GALNT17: variants seen among roughly 807,000 people sequenced by gnomAD.
GALNT17 encodes UDP-GalNAc:polypeptide N-acetylgalactosaminyltransferase-like 3.
In GALNT17, 29 loss-of-function variants were observed where a neutral mutation model predicts 63.7. The ratio of observed to expected loss-of-function variants is 0.46; its 90% CI spans 0.34 to 0.62. The LOEUF (loss-of-function observed/expected upper bound fraction) is 0.62, where lower values mean the gene tolerates loss of function less well. Among genes scored for constraint, GALNT17 ranks in the 20% least tolerant of loss-of-function variants. The pLI is 0.01. For synonymous variants in GALNT17, 305 were observed against 318.3 expected (o/e 0.96, Z 0.45); for missense variants, 603 against 799.6 (o/e 0.75, Z 2.97).
chr7:71,180,168 C>G (rs1788711239), intron 1 of GALNT17, among the ~76,000 whole-genome samples: 1 of 152,114 alleles, frequency 6.6e-6, no homozygotes, highest in South Asian at 2.1e-4. Context: ...CTCTGTCGCC[C>G]AGGCTGGAGT....
intron 5 of GALNT17, among the ~76,000 whole-genome samples, chr7:71,558,548 A>C (rs1470483360): frequency 6.6e-6 from 1 of 152,066 alleles, no homozygotes; most frequent in Non-Finnish European, 1.5e-5. Context: ...TTTTCCCCAA[A>C]TGTTCACTCA....
At chr7:71,542,419 A>G (rs941952441) in intron 5 of GALNT17, among the ~76,000 whole-genome samples, 3 of 151,998 alleles carry the variant, frequency 2.0e-5, no homozygotes, top group Non-Finnish European at 2.9e-5. Context: ...ACTAAAAGAT[A>G]ATGATAATCG....
At chr7:71,617,958 T>A (rs937943254) in intron 6 of GALNT17, among the ~76,000 whole-genome samples, 20 of 152,072 alleles carry the variant, frequency 1.3e-4, no homozygotes, top group Admixed American at 1.3e-3. Flanking sequence ...ATAGATCGTT[T>A]TTTTAACCCA....
intron 5 of GALNT17, among the ~76,000 whole-genome samples, chr7:71,472,962 G>C (rs578233412): frequency 4.7e-4 from 71 of 152,284 alleles, no homozygotes; most frequent in African/African-American, 1.6e-3. Context: ...AAGGTTGTCA[G>C]GTTACAGGTT....
chr7:71,346,778 G>A (rs1792104211), intron 2 of GALNT17, among the ~76,000 whole-genome samples: 1 of 149,602 alleles, frequency 6.7e-6, no homozygotes, highest in Non-Finnish European at 1.5e-5. Context: ...TGGGTGGGTG[G>A]AGTTACTTCT....
At chr7:71,212,473 A>G (rs914482298) in intron 1 of GALNT17, among the ~76,000 whole-genome samples, 2 of 152,234 alleles carry the variant, frequency 1.3e-5, no homozygotes, top group Non-Finnish European at 1.5e-5. Context: ...GCCCCCACAC[A>G]GAGTCCCTAC....
intron 6 of GALNT17, among the ~76,000 whole-genome samples, chr7:71,594,118 A>G (rs1584077090): frequency 6.6e-6 from 1 of 151,778 alleles, no homozygotes; most frequent in Non-Finnish European, 1.5e-5. Flanking sequence ...TTAAATGGTG[A>G]TGGGAAATTT....
chr7:71,369,705 C>T (rs902915537), intron 2 of GALNT17, among the ~76,000 whole-genome samples: 3 of 149,722 alleles, frequency 2.0e-5, no homozygotes, highest in African/African-American at 7.4e-5. Flanking sequence ...CCCAGCTACT[C>T]GGGAGGCTGC....
At chr7:71,514,814 C>T (rs920904637) in intron 5 of GALNT17, among the ~76,000 whole-genome samples, 2 of 152,170 alleles carry the variant, frequency 1.3e-5, no homozygotes, top group Non-Finnish European at 2.9e-5. Context: ...AGCCTGACCA[C>T]CTGATATGGT....
At chr7:71,301,478 T>C (rs1257102811) in intron 1 of GALNT17, among the ~76,000 whole-genome samples, 2 of 149,592 alleles carry the variant, frequency 1.3e-5, no homozygotes, top group Non-Finnish European at 3.0e-5. Flanking sequence ...ATAATTACTT[T>C]TTTAAAAGTA....
At chr7:71,510,985 CA>C (rs1273894235) in intron 5 of GALNT17, among the ~76,000 whole-genome samples, 2 of 152,030 alleles carry the variant, frequency 1.3e-5, no homozygotes, top group African/African-American at 4.8e-5. Context: ...TCAGCCTGGG[CA>C]ACATAGTAAG....
chr7:71,148,012 A>G (rs1215977150), intron 1 of GALNT17, among the ~76,000 whole-genome samples: 1 of 151,854 alleles, frequency 6.6e-6, no homozygotes, highest in African/African-American at 2.4e-5. Context: ...CTTTCTTCTC[A>G]CCTCTTATGG....
chr7:71,665,168 G>C (rs1461241601), intron 6 of GALNT17, among the ~76,000 whole-genome samples: 2 of 152,064 alleles, frequency 1.3e-5, no homozygotes, highest in East Asian at 3.9e-4. Flanking sequence ...GTAGAGACGA[G>C]GTTTCACCAT....
At chr7:71,251,896 A>G (rs1441673359) in intron 1 of GALNT17, among the ~76,000 whole-genome samples, 1 of 152,024 alleles carries the variant, frequency 6.6e-6, no homozygotes, top group African/African-American at 2.4e-5. Context: ...TATGTCTCTT[A>G]CCTGTTTTAT....
intron 1 of GALNT17, among the ~76,000 whole-genome samples, chr7:71,232,961 A>G (rs951213126): frequency 2.0e-5 from 3 of 152,114 alleles, no homozygotes; most frequent in Non-Finnish European, 4.4e-5. Flanking sequence ...ATACATTTCC[A>G]CAGTGAGTTC....
chr7:71,597,173 G>T (rs7783628), intron 6 of GALNT17, among the ~76,000 whole-genome samples: 37,062 of 151,440 alleles, frequency 0.24, 4,842 homozygotes, highest in Non-Finnish European at 0.28. Flanking sequence ...AAGTAGCTGG[G>T]ACTACAGGCA....
At chr7:71,292,980 G>A (rs868697382) in intron 1 of GALNT17, among the ~76,000 whole-genome samples, 1 of 151,926 alleles carries the variant, frequency 6.6e-6, no homozygotes, top group East Asian at 1.9e-4. Flanking sequence ...TTCATTTAGC[G>A]TGATGTTCTC....
intron 5 of GALNT17, among the ~76,000 whole-genome samples, chr7:71,504,393 A>C (rs920584151): frequency 8.9e-5 from 12 of 134,926 alleles, no homozygotes; most frequent in Non-Finnish European, 1.6e-4. Context: ...CCGTCTCAAT[A>C]AATAAATAAA....
intron 2 of GALNT17, among the ~76,000 whole-genome samples, chr7:71,341,436 A>T (rs2116126647): frequency 6.6e-6 from 1 of 152,296 alleles, no homozygotes; most frequent in South Asian, 2.1e-4. Context: ...AGATTAGAAG[A>T]TCCCACCCAG....
Sources: gnomAD v4.1 joint callset for allele counts (sites outside exome capture counted in the v4.1 genomes callset) on GRCh38, gnomAD v4.1.1 for gene constraint, MANE v1.5 for transcripts, NCBI Gene and HGNC (gene_info 2026-07-23, HGNC 2026-07-21) for gene names.